Variants in PPP2R1B observed in about 807,000 individuals in gnomAD.
PPP2R1B encodes serine/threonine-protein phosphatase 2A 65 kDa regulatory subunit A beta isoform.
PPP2R1B carries 58 observed loss-of-function variants against 72.7 expected under a neutral mutation model. The observed-to-expected ratio is 0.80, with a 90% CI of 0.65 to 0.99. The LOEUF (loss-of-function observed/expected upper bound fraction) is 0.99. Among genes scored for constraint, PPP2R1B ranks in the 50% least tolerant of loss-of-function variants. PPP2R1B has a pLI of 0.00. For missense variants in PPP2R1B, 695 were observed against 733.6 expected (o/e 0.95, Z 0.61); for synonymous variants, 256 against 264.6 (o/e 0.97, Z 0.32).
chr11:111,697,946 G>A, the PPP2R1B span, among the ~76,000 whole-genome samples: 1 of 152,090 alleles, frequency 6.6e-6, no homozygotes, highest in African/African-American at 2.4e-5. Context: ...GGAGATGAAG[G>A]CTACAATGAG....
the PPP2R1B span, chr11:111,721,084 C>A: frequency 6.3e-7 from 1 of 1,597,710 alleles, no homozygotes; most frequent in South Asian, 1.1e-5. Flanking sequence ...GGGCCCTTCC[C>A]TCAATGGCTC....
the PPP2R1B span, among the ~76,000 whole-genome samples, chr11:111,707,708 T>C: frequency 6.6e-6 from 1 of 152,234 alleles, no homozygotes; most frequent in African/African-American, 2.4e-5. Context: ...CTTTAATTCC[T>C]TGATGTTCTA....
In PPP2R1B at chr11:111,753,545, T is replaced by C. The variant is rs1248908142; in HGVS notation, c.1062A>G (p.Lys354=). ...ELVSDTNQHV[K]SALASVIMGL... is the part of the protein sequence containing the mutation. ...CCATAATTACAGAAGCTAGAGCCGA[T>C]TTGACATGTTGATTGGTATCGGATA... Residue 354 remains lysine, a synonymous_variant, in exon 9 of 15, where the codon AAA becomes AAG. Transcript: ENST00000527614. 1.2e-6 allele frequency: 2 copies of C among 1,612,482 alleles called. No individual in the cohort carries two copies. Among genetic ancestry groups the C allele is most frequent in the African/African-American group, 1.3e-5 (1 of 74,862 alleles).
At chr11:111,741,686 A>G in intron 14 of PPP2R1B, 74 bp from the exon 15 acceptor site, 1 of 1,491,206 alleles carries the variant, frequency 6.7e-7, no homozygotes, top group Non-Finnish European at 9.3e-7. Context: ...ATTAAGCACA[A>G]TAACAATGAT....
In PPP2R1B at chr11:111,739,790, T is replaced by C. The variant is rs1168240236; in HGVS notation, c.*1806A>G. The C allele has an allele frequency of 2.1e-6, 2 of 968,518 alleles. No homozygotes were observed. Among genetic ancestry groups the C allele is most frequent in the East Asian group, 1.1e-4 (1 of 8,734 alleles). 60.0% of individuals were successfully genotyped at this position (968,518 alleles called of 1,614,324 possible). On this transcript the variant is annotated 3_prime_UTR_variant, in exon 15 of 15. Transcript: ENST00000527614. ...GACTCATGAAACTAAAATTAAAATG[T>C]TTACAGAATAATAGCATAAGATATT... is the stretch of plus-strand genomic sequence containing the variant.
chr11:111,703,990 C>T, the PPP2R1B span, among the ~76,000 whole-genome samples: 13 of 152,304 alleles, frequency 8.5e-5, no homozygotes, highest in East Asian at 2.3e-3. Flanking sequence ...ATAGGATATA[C>T]GTATTTCTAA....
the PPP2R1B span, among the ~76,000 whole-genome samples, chr11:111,710,121 TAAG>T: frequency 2.0e-5 from 3 of 152,226 alleles, no homozygotes; most frequent in Admixed American, 2.0e-4. Flanking sequence ...TTGATGGGGG[TAAG>T]AAGAATGTAG....
At chr11:111,758,307 G>GT (rs1565471505) in intron 5 of PPP2R1B, among the ~76,000 whole-genome samples, 1 of 152,148 alleles carries the variant, frequency 6.6e-6, no homozygotes, top group African/African-American at 2.4e-5. Flanking sequence ...AAAGTGCAAA[G>GT]AAGGCCGGGC....
the PPP2R1B span, among the ~76,000 whole-genome samples, chr11:111,719,027 GA>G: frequency 0.011 from 1,633 of 152,330 alleles, 11 homozygotes; most frequent in Non-Finnish European, 0.018. Context: ...ACCCCTGTGG[GA>G]TAGGAACCAT....
the PPP2R1B span, among the ~76,000 whole-genome samples, chr11:111,711,204 C>T: frequency 2.4e-4 from 37 of 151,794 alleles, no homozygotes; most frequent in African/African-American, 8.2e-4. Flanking sequence ...CTGCAAGCTC[C>T]GCCTCCCGGG....
Position 111,741,445 on chromosome 11 carries a change from A to G in PPP2R1B, c.*151T>C. ...CAATCCCATTTCATCTTTAGAAAGA[A>G]TTAAGTCACTAAATGATTTCTTCTA... On this transcript the variant is annotated 3_prime_UTR_variant, in exon 15 of 15. Coordinates refer to ENST00000527614, the MANE Select transcript of PPP2R1B (RefSeq NM_002716.5). 1.4e-6 allele frequency: 2 copies of G among 1,453,678 alleles called. No homozygotes were observed. The highest frequency in any genetic ancestry group is 1.8e-6 in the Non-Finnish European group (2 of 1,105,646). The allele number at this position is 1,453,678 out of a possible 1,614,324, so 90.0% of individuals were successfully genotyped here. A position where few individuals can be genotyped will look rare whatever the true frequency, so the allele number is the denominator to read the frequency against.
the PPP2R1B span, chr11:111,700,826 G>C: frequency 6.3e-7 from 1 of 1,589,116 alleles, no homozygotes. Flanking sequence ...ATTTATTACA[G>C]AGAAATGCAG....
At chr11:111,766,146 T>G in intron 1 of PPP2R1B, 102 bp downstream of exon 1, 1 of 1,104,050 alleles carries the variant, frequency 9.1e-7, no homozygotes, top group South Asian at 1.3e-5. Flanking sequence ...CGAGTCCGAC[T>G]CATTCAGTAC....
Position 111,739,746 on chromosome 11 carries a change from G to A in PPP2R1B, c.*1850C>T, listed in dbSNP as rs1378132859. ...AATTCAATGAAGAAGAACATAACTTGCAGGTAACAAAAAATAAAGACTCAT... is the reference window on the plus strand; with the variant it reads ...AATTCAATGAAGAAGAACATAACTTACAGGTAACAAAAAATAAAGACTCAT... On this transcript the variant is annotated 3_prime_UTR_variant, in exon 15 of 15. Coordinates refer to ENST00000527614, the MANE Select transcript of PPP2R1B (RefSeq NM_002716.5). The A allele has an allele frequency of 4.1e-6, 4 of 980,374 alleles. No individual in the cohort carries two copies. The highest frequency in any genetic ancestry group is 1.8e-5 in the African/African-American group (1 of 57,088). The allele number at this position is 980,374 out of a possible 1,614,324, so 60.7% of individuals were successfully genotyped here.
At chr11:111,764,783 T>C in intron 3 of PPP2R1B, 22 bp downstream of exon 3, 1 of 1,610,966 alleles carries the variant, frequency 6.2e-7, no homozygotes, top group Non-Finnish European at 8.5e-7. Flanking sequence ...AGAAGGAGGG[T>C]AGGCAGCTTA....
At chr11:111,764,954 G>A (rs782488674) in intron 2 of PPP2R1B, 49 bp from the exon 3 acceptor site, 1 of 1,599,190 alleles carries the variant, frequency 6.3e-7, no homozygotes, top group Non-Finnish European at 8.5e-7. Context: ...CTCTCCCACA[G>A]CTGGACACTG....
the PPP2R1B span, among the ~76,000 whole-genome samples, chr11:111,716,980 C>A: frequency 6.6e-6 from 1 of 152,078 alleles, no homozygotes; most frequent in African/African-American, 2.4e-5. Flanking sequence ...ACAGACACTT[C>A]TGAAAAGAAG....
At chr11:111,746,425 C>G (rs1390675800) in intron 11 of PPP2R1B, among the ~76,000 whole-genome samples, 4 of 152,016 alleles carry the variant, frequency 2.6e-5, no homozygotes, top group Non-Finnish European at 5.9e-5. Flanking sequence ...GTTGAACAAT[C>G]AGAACACATG....
chr11:111,735,184 T>C (rs766365750), downstream of PPP2R1B: 2 of 152,306 alleles, frequency 1.3e-5, no homozygotes, highest in Non-Finnish European at 2.9e-5. Context: ...CAGGACAGAC[T>C]GTGTGCAGAG....
Sources: allele counts gnomAD v4.1 joint callset (sites outside exome capture counted in the v4.1 genomes callset), GRCh38; gene constraint gnomAD v4.1.1; transcripts MANE v1.5; gene names NCBI Gene and HGNC (gene_info 2026-07-23, HGNC 2026-07-21).